SCARB1: variants seen among roughly 807,000 people sequenced by gnomAD.
SCARB1 encodes the protein CD36 and LIMPII analogous 1.
In SCARB1, 30 loss-of-function variants were observed where a neutral mutation model predicts 57.2. The ratio of observed to expected loss-of-function variants is 0.52; its 90% confidence interval spans 0.39 to 0.71. SCARB1 has a LOEUF of 0.71. Among genes scored for constraint, SCARB1 ranks in the 30% least tolerant of loss-of-function variants. The probability of loss-of-function intolerance (pLI) is 0.00; values close to 1 mark genes in which losing one functional copy is unlikely to be tolerated. For missense variants in SCARB1, 543 were observed against 671.2 expected, an observed-to-expected ratio of 0.81 and a Z score of 2.11; for synonymous variants, 249 against 268.3, an observed-to-expected ratio of 0.93 and a Z score of 0.70.
In SCARB1 at chr12:124,782,767, C is replaced by T. The variant is rs746306162; in HGVS notation, c.1446G>A (p.Lys482=). Residue 482 remains lysine (K), a synonymous_variant, in exon 12 of 13, where the codon AAG becomes AAA. Coordinates refer to ENST00000261693, the MANE Select transcript of SCARB1 (RefSeq NM_005505.5). ...LFWSSSKKGS[K]DKEAIQAYSE... is the part of the protein sequence containing the mutation. ...AATAGGCCTGAATGGCCTCCTTATC[C>T]TTTGAGCCCTTTTTACTACTACTCC... 1.2e-6 allele frequency: 2 copies of T among 1,613,648 alleles called. No homozygotes were observed. The highest frequency in any genetic ancestry group is 8.5e-7 in the Non-Finnish European group (1 of 1,179,528).
chr12:124,790,377 TCAA>T (rs560643861), intron 9 of SCARB1, among the ~76,000 whole-genome samples: 16 of 151,752 alleles, frequency 1.1e-4, no homozygotes, highest in South Asian at 2.1e-4. Context: ...AGACTGTGTC[TCAA>T]CAACAACAAC....
intron 5 of SCARB1, 147 bp downstream of exon 5, chr12:124,811,723 C>T (rs938380345): frequency 6.0e-6 from 4 of 663,616 alleles, no homozygotes; most frequent in African/African-American, 5.4e-5. Flanking sequence ...AATCCCTCCT[C>T]CAACTTCAAG....
intron 1 of SCARB1, among the ~76,000 whole-genome samples, chr12:124,831,735 G>A (rs1050679737): frequency 1.3e-5 from 2 of 152,144 alleles, no homozygotes; most frequent in Non-Finnish European, 2.9e-5. Flanking sequence ...TTCTTTACCT[G>A]TAACAAGGAA....
chr12:124,782,641 T>C (rs748254785), intron 12 of SCARB1, 42 bp downstream of exon 12: 2 of 1,604,552 alleles, frequency 1.2e-6, no homozygotes, highest in Admixed American at 1.7e-5. Flanking sequence ...CTACTTGATA[T>C]GGGAGGGGGC....
At chr12:124,813,341 A>G (rs1368537480) in intron 4 of SCARB1, among the ~76,000 whole-genome samples, 2 of 152,186 alleles carry the variant, frequency 1.3e-5, no homozygotes, top group African/African-American at 4.8e-5. Flanking sequence ...CTGACACTCT[A>G]GCAGCCAACT....
chr12:124,838,581 T>C (rs1165682257), intron 1 of SCARB1, among the ~76,000 whole-genome samples: 1 of 152,022 alleles, frequency 6.6e-6, no homozygotes, highest in Non-Finnish European at 1.5e-5. Context: ...CTTCAAAGGC[T>C]AAGTCTTCTG....
chr12:124,816,744 C>T (rs568121445), intron 2 of SCARB1, among the ~76,000 whole-genome samples: 5 of 152,030 alleles, frequency 3.3e-5, no homozygotes, highest in Admixed American at 2.6e-4. Flanking sequence ...ATCCGCCAGC[C>T]GTCTCAGAGC....
chr12:124,780,547 C>T (rs1369955516), intron 12 of SCARB1, among the ~76,000 whole-genome samples: 1 of 152,182 alleles, frequency 6.6e-6, no homozygotes, highest in Non-Finnish European at 1.5e-5. Context: ...CAGGTGCCCA[C>T]CCCAAGCTGC....
intron 1 of SCARB1, among the ~76,000 whole-genome samples, chr12:124,843,786 C>T (rs36206378): frequency 1.3e-4 from 20 of 152,278 alleles, no homozygotes; most frequent in African/African-American, 4.8e-4. Context: ...TCCAACATGG[C>T]CCTCAAAATC....
chr12:124,804,014 G>C (rs1050400150), intron 7 of SCARB1, among the ~76,000 whole-genome samples: 1 of 152,218 alleles, frequency 6.6e-6, no homozygotes, highest in Non-Finnish European at 1.5e-5. Flanking sequence ...CCTTGGAGGG[G>C]ATGGGCATGT....
chr12:124,847,882 G>A (rs1376522640), intron 1 of SCARB1, among the ~76,000 whole-genome samples: 1 of 152,160 alleles, frequency 6.6e-6, no homozygotes, highest in Non-Finnish European at 1.5e-5. Flanking sequence ...GGGAGTCTGT[G>A]GGAAGACCAC....
chr12:124,835,269 T>G (rs1179755792), intron 1 of SCARB1, among the ~76,000 whole-genome samples: 1 of 151,802 alleles, frequency 6.6e-6, no homozygotes, highest in Non-Finnish European at 1.5e-5. Flanking sequence ...TGAATTTTTT[T>G]TTTTTAAGAG....
At chr12:124,802,185 G>A (rs1950158178) in intron 7 of SCARB1, among the ~76,000 whole-genome samples, 2 of 150,992 alleles carry the variant, frequency 1.3e-5, no homozygotes, top group South Asian at 2.1e-4. Context: ...AAAAAATACC[G>A]TGGAAAATAA....
intron 7 of SCARB1, among the ~76,000 whole-genome samples, chr12:124,806,003 G>C (rs180707458): frequency 1.3e-5 from 2 of 152,066 alleles, no homozygotes; most frequent in Non-Finnish European, 2.9e-5. Context: ...TTTAACTTCC[G>C]GCCGGTGCAA....
chr12:124,778,461 G>A lies in SCARB1; in HGVS notation c.*126C>T, dbSNP rs1872722258. The A allele has an allele frequency of 3.0e-6, 4 of 1,331,024 alleles. No homozygotes were observed. The highest frequency in any genetic ancestry group is 3.9e-6 in the Non-Finnish European group (4 of 1,038,186). 82.5% of individuals were successfully genotyped at this position (1,331,024 alleles called of 1,614,324 possible). A position where few individuals can be genotyped will look rare whatever the true frequency, so the allele number is the denominator to read the frequency against. The stretch of plus-strand genomic sequence containing the variant: ...GTGTGCAACAGGCACATGGCAGCTG[G>A]GAGGCTCAGGCTGTGGGGCTGGGGG... On this transcript the variant is annotated 3_prime_UTR_variant, in exon 13 of 13. Transcript: ENST00000261693.
In SCARB1 at chr12:124,807,881, G is replaced by A. The variant is rs387906791; in HGVS notation, c.889C>T (p.Pro297Ser). 9.9e-6 allele frequency: 16 copies of A among 1,614,020 alleles called. No individual in the cohort carries two copies. In the African/African-American group the frequency reaches 1.9e-4, roughly 19 times the overall value. ...YKESGVFEGI[P>S]TYRFVAPKTL... ...TTGGGAGCCACGAAGCGATAGGTGG[G>A]GATGCCTTCAAACACCCCTGACTCC... Residue 297 changes from proline (P) to serine (S), a missense_variant, in exon 7 of 13, where the codon CCC becomes TCC. By Grantham distance (74) the Pro-to-Ser change is moderately conservative. Transcript: ENST00000261693. The surrounding 1 kb of genome is among the most constrained non-coding windows in gnomAD (Gnocchi z 5.3).
chr12:124,802,840 G>C (rs909303265), intron 7 of SCARB1, among the ~76,000 whole-genome samples: 2 of 152,150 alleles, frequency 1.3e-5, no homozygotes, highest in African/African-American at 4.8e-5. Context: ...GAGTCCAACA[G>C]ATTTCAAGGC....
At chr12:124,787,588 A>G (rs1949569925) in intron 9 of SCARB1, 131 bp from the exon 10 acceptor site, 2 of 769,438 alleles carry the variant, frequency 2.6e-6, no homozygotes, top group Non-Finnish European at 4.4e-6. Flanking sequence ...CACCAAATAT[A>G]AACAATGAGC....
intron 1 of SCARB1, among the ~76,000 whole-genome samples, chr12:124,831,199 A>C (rs1278475620): frequency 6.6e-6 from 1 of 151,998 alleles, no homozygotes; most frequent in Non-Finnish European, 1.5e-5. Context: ...GGCTGGTCTC[A>C]AACTCCTGAC....
Sources: gnomAD v4.1 joint callset for allele counts (sites outside exome capture counted in the v4.1 genomes callset) on GRCh38, gnomAD v4.1.1 for gene constraint, Gnocchi (gnomAD v3.1) non-coding constraint, MANE v1.5 for transcripts, NCBI Gene and HGNC (gene_info 2026-07-23, HGNC 2026-07-21) for gene names.